STAT4: variants seen among roughly 807,000 people sequenced by gnomAD.
The protein encoded by STAT4 is signal transducer and activator of transcription 4.
STAT4 carries 42 observed loss-of-function variants against 110.5 expected under a neutral mutation model. That is an observed-to-expected ratio of 0.38 (90% CI 0.30 to 0.49). The LOEUF is 0.49. Among genes scored for constraint, STAT4 ranks in the 20% least tolerant of loss-of-function variants. The pLI is 0.95. For missense variants in STAT4, 632 were observed against 887.9 expected (o/e 0.71, Z 3.66); for synonymous variants, 284 against 302.2 (o/e 0.94, Z 0.63).
chr2:191,047,797 C>G (rs1220154189), intron 14 of STAT4, among the ~76,000 whole-genome samples: 2 of 152,202 alleles, frequency 1.3e-5, no homozygotes, highest in Non-Finnish European at 2.9e-5. Flanking sequence ...TCCTGAGTAG[C>G]TGGGACTATG....
intron 3 of STAT4, among the ~76,000 whole-genome samples, chr2:191,109,758 C>A (rs947868151): frequency 2.0e-5 from 3 of 152,092 alleles, no homozygotes; most frequent in African/African-American, 7.2e-5. Context: ...CATGTCTATC[C>A]CTCAAAATGA....
At chr2:191,044,982 C>T (rs114339963) in intron 14 of STAT4, among the ~76,000 whole-genome samples, 486 of 152,184 alleles carry the variant, frequency 3.2e-3, no homozygotes, top group Non-Finnish European at 5.3e-3. Context: ...TTTATATAAT[C>T]ATAGTAAGGT....
chr2:191,048,145 A>G (rs1696403338), intron 14 of STAT4, among the ~76,000 whole-genome samples: 2 of 152,234 alleles, frequency 1.3e-5, no homozygotes, highest in African/African-American at 4.8e-5. Context: ...CCTTTGGAAA[A>G]AGACTTTACG....
chr2:191,070,899 T>C (rs1697128034), intron 5 of STAT4, among the ~76,000 whole-genome samples: 1 of 152,030 alleles, frequency 6.6e-6, no homozygotes, highest in Non-Finnish European at 1.5e-5. Flanking sequence ...CTTCAAGGAG[T>C]TGTTATAAGG....
Position 191,130,800 on chromosome 2 carries a change from G to A in STAT4, c.273+15813C>T, listed in dbSNP as rs960782892. On this transcript the variant is annotated intron_variant, in intron 3 of 23. Transcript: ENST00000392320. Reference sequence around the variant, plus strand: ...TATAATTTATATCGCATTTCTATGTGTTTATAGTGGAATGGTTTTTTAATT... The same window carrying A: ...TATAATTTATATCGCATTTCTATGTATTTATAGTGGAATGGTTTTTTAATT... Among the ~76,000 whole-genome samples, 6 of 151,680 alleles carry A rather than the reference G, an allele frequency of 4.0e-5. 1 individual carries two copies. Among genetic ancestry groups the A allele is most frequent in the African/African-American group, 1.5e-4 (6 of 41,104 alleles).
At chr2:191,057,981 GAAA>G (rs750441597) in intron 13 of STAT4, 34 bp downstream of exon 13, 94 of 1,520,928 alleles carry the variant, frequency 6.2e-5, no homozygotes, top group Non-Finnish European at 8.6e-5. Context: ...TGATTTTGGG[GAAA>G]AAAAAGCCTG....
In STAT4 at chr2:191,110,091, A is replaced by G. The variant is rs980599834; in HGVS notation, c.274-33766T>C. ...CACTGCACCTTCCACAGGGCCCTGC[A>G]TCAGATGCTGGCCGCACAGCAGCCT... On this transcript the variant is annotated intron_variant, in intron 3 of 23. Coordinates refer to ENST00000392320, the MANE Select transcript of STAT4 (RefSeq NM_003151.4). The surrounding 1 kb of genome is among the most constrained non-coding windows in gnomAD (Gnocchi z 4.5). Among the ~76,000 whole-genome samples the G allele has an allele frequency of 2.6e-5, 4 of 152,192 alleles. No individual in the cohort carries two copies. Among genetic ancestry groups the G allele is most frequent in the South Asian group, 2.1e-4 (1 of 4,832 alleles).
In STAT4 at chr2:191,135,357, C is replaced by A. The variant is rs1049269276; in HGVS notation, c.273+11256G>T. Reference sequence around the variant, plus strand: ...TAGCAAGATTGAATCAGGAAAAAAGCCCAAAAAGACCTGAACAGACTAATA... The same window carrying A: ...TAGCAAGATTGAATCAGGAAAAAAGACCAAAAAGACCTGAACAGACTAATA... On this transcript the variant is annotated intron_variant, in intron 3 of 23. Coordinates refer to ENST00000392320, the MANE Select transcript of STAT4 (RefSeq NM_003151.4). The surrounding 1 kb of genome is among the most constrained non-coding windows in gnomAD (Gnocchi z 4.8). Among the ~76,000 whole-genome samples the A allele has an allele frequency of 6.6e-6, 1 of 152,104 alleles. No individual in the cohort carries two copies. Among genetic ancestry groups the A allele is most frequent in the African/African-American group, 2.4e-5 (1 of 41,396 alleles).
At chr2:191,128,712 C>G (rs1209064977) in intron 3 of STAT4, among the ~76,000 whole-genome samples, 2 of 152,318 alleles carry the variant, frequency 1.3e-5, no homozygotes, top group East Asian at 3.9e-4. Flanking sequence ...TGCCCCCTCA[C>G]TCACTGAGTT....
In STAT4 at chr2:191,031,168, G is replaced by A. The variant is rs1370808800; in HGVS notation, c.2112-88C>T. On this transcript the variant is annotated intron_variant, in intron 22 of 23. Coordinates refer to ENST00000392320, the MANE Select transcript of STAT4 (RefSeq NM_003151.4). This position sits in a 1 kb window ranked among gnomAD's most constrained non-coding sequence, Gnocchi z 4.8. ...TTACTATGTCAGGAACTCATTTCTAGGGCTTCATCTATTTGTGACATTGAG... is the reference window on the plus strand; with the variant it reads ...TTACTATGTCAGGAACTCATTTCTAAGGCTTCATCTATTTGTGACATTGAG... 1 of 1,330,088 alleles carries A rather than the reference G, an allele frequency of 7.5e-7. No homozygotes were observed. Among genetic ancestry groups the A allele is most frequent in the African/African-American group, 1.5e-5 (1 of 68,572 alleles). 82.4% of individuals were successfully genotyped at this position (1,330,088 alleles called of 1,614,324 possible).
chr2:191,128,842 T>C (rs1222580970), intron 3 of STAT4, among the ~76,000 whole-genome samples: 1 of 152,226 alleles, frequency 6.6e-6, no homozygotes, highest in Non-Finnish European at 1.5e-5. Flanking sequence ...GATAGAGATT[T>C]TTTTATTTTT....
Position 191,083,698 on chromosome 2 carries a change from GCTCT to G in STAT4, c.274-7377_274-7374del, listed in dbSNP as rs1483878649. Among the ~76,000 whole-genome samples, 9 of 152,108 alleles carry G rather than the reference GCTCT, an allele frequency of 5.9e-5. No homozygotes were observed. The highest frequency in any genetic ancestry group is 1.2e-4 in the Non-Finnish European group (8 of 68,012). On this transcript the variant is annotated intron_variant, in intron 3 of 23. Coordinates refer to ENST00000392320, the MANE Select transcript of STAT4 (RefSeq NM_003151.4). This position sits in a 1 kb window ranked among gnomAD's most constrained non-coding sequence, Gnocchi z 4.6. ...ACTGCGTACTTCTGGTTGCCAACTAGCTCTCTCTCCCTTTGCATCACAAATACTG... is the reference window on the plus strand; with the variant it reads ...ACTGCGTACTTCTGGTTGCCAACTAGCTCTCCCTTTGCATCACAAATACTG...
intron 3 of STAT4, among the ~76,000 whole-genome samples, chr2:191,093,705 C>A (rs1029971582): frequency 6.6e-6 from 1 of 152,176 alleles, no homozygotes; most frequent in Admixed American, 6.5e-5. Context: ...CAGCTCCTTG[C>A]CAGCAACAGA....
At position 191,031,578 on chromosome 2, in the gene STAT4, GA is replaced by G; in HGVS notation, c.2045-63del. The G allele has an allele frequency of 3.7e-6, 5 of 1,358,058 alleles. No individual in the cohort carries two copies. Among genetic ancestry groups the G allele is most frequent in the South Asian group, 1.2e-5 (1 of 80,638 alleles). 84.1% of individuals were successfully genotyped at this position (1,358,058 alleles called of 1,614,324 possible). On this transcript the variant is annotated intron_variant, in intron 21 of 23. Transcript: ENST00000392320. This position sits in a 1 kb window ranked among gnomAD's most constrained non-coding sequence, Gnocchi z 4.8. Reference sequence around the variant, plus strand: ...TGTCAATATTATCAATAAAACTGGGGAAAAAAGAGTCTAGAAAAATATTAAC... The same window carrying G: ...TGTCAATATTATCAATAAAACTGGGGAAAAAGAGTCTAGAAAAATATTAAC...
chr2:191,085,386 C>A (rs1005590531), intron 3 of STAT4, among the ~76,000 whole-genome samples: 7 of 151,512 alleles, frequency 4.6e-5, no homozygotes, highest in Non-Finnish European at 1.5e-5. Flanking sequence ...GAAACACTCC[C>A]AAATATAAAA....
rs10181435 is a variant in STAT4 at position 191,050,842 on chromosome 2, C to G, written c.1251+3648G>C. Among the ~76,000 whole-genome samples the G allele has an allele frequency of 6.6e-6, 1 of 152,156 alleles. No individual in the cohort carries two copies. Among genetic ancestry groups the G allele is most frequent in the Non-Finnish European group, 1.5e-5 (1 of 68,040 alleles). On this transcript the variant is annotated intron_variant, in intron 14 of 23. Transcript: ENST00000392320. The surrounding 1 kb of genome is among the most constrained non-coding windows in gnomAD (Gnocchi z 4.3). ...AATCCTAAAGCCAGGAGCCCCTGTA[C>G]GTCCTGACAGCTCAGCTCTTCTTGG...
In STAT4 at chr2:191,029,750, G is replaced by T; in HGVS notation, c.*90C>A. On this transcript the variant is annotated 3_prime_UTR_variant, in exon 24 of 24. Coordinates refer to ENST00000392320, the MANE Select transcript of STAT4 (RefSeq NM_003151.4). The surrounding 1 kb of genome is among the most constrained non-coding windows in gnomAD (Gnocchi z 4.5). ...TTTCCTAGAACCTGGTATTTACAAA[G>T]CTGAAGAAATAAAATGTGGTTATTG... 8.3e-7 allele frequency: 1 copy of T among 1,208,474 alleles called. No individual in the cohort carries two copies. Among genetic ancestry groups the T allele is most frequent in the Non-Finnish European group, 1.2e-6 (1 of 835,822 alleles). 74.9% of individuals were successfully genotyped at this position (1,208,474 alleles called of 1,614,324 possible).
intron 3 of STAT4, among the ~76,000 whole-genome samples, chr2:191,101,647 T>A (rs1698151455): frequency 6.6e-6 from 1 of 152,150 alleles, no homozygotes; most frequent in African/African-American, 2.4e-5. Flanking sequence ...ATATTTGATG[T>A]CAGAAAACTG....
chr2:191,134,035 C>T (rs1699114043), intron 3 of STAT4, among the ~76,000 whole-genome samples: 1 of 152,224 alleles, frequency 6.6e-6, no homozygotes, highest in Non-Finnish European at 1.5e-5. Context: ...AATTACATGA[C>T]AGTCTAGAAA....
Sources: allele counts gnomAD v4.1 joint callset (sites outside exome capture counted in the v4.1 genomes callset), GRCh38; gene constraint gnomAD v4.1.1; non-coding constraint Gnocchi (gnomAD v3.1); transcripts MANE v1.5; gene names NCBI Gene and HGNC (gene_info 2026-07-23, HGNC 2026-07-21).